MYRIP: variants seen among roughly 807,000 people sequenced by gnomAD.
The protein encoded by MYRIP is rab effector MyRIP.
MYRIP carries 49 observed loss-of-function variants against 98.0 expected under a neutral mutation model. That is an observed-to-expected ratio of 0.50 (90% CI 0.40 to 0.63). The LOEUF is 0.63. Among genes scored for constraint, MYRIP ranks in the 30% least tolerant of loss-of-function variants. MYRIP has a pLI of 0.00. For synonymous variants in MYRIP, 404 were observed against 409.5 expected (o/e 0.99, Z 0.16); for missense variants, 1,004 against 1,058.2 (o/e 0.95, Z 0.71).
At chr3:40,150,305 G>T (rs1310974040) in intron 3 of MYRIP, among the ~76,000 whole-genome samples, 1 of 152,034 alleles carries the variant, frequency 6.6e-6, no homozygotes, top group Non-Finnish European at 1.5e-5. Flanking sequence ...TGGCCAGGCT[G>T]GTCTCAAACT....
At position 39,946,872 on chromosome 3, in the gene MYRIP, G is replaced by C. The variant is rs146019112; in HGVS notation, c.110+45946G>C. Among the ~76,000 whole-genome samples, 29 of 152,154 alleles carry C rather than the reference G, an allele frequency of 1.9e-4. 1 individual carries two copies. The highest frequency in any genetic ancestry group is 6.6e-4 in the Admixed American group (10 of 15,266). On this transcript the variant is annotated intron_variant, in intron 2 of 16. Transcript: ENST00000302541. The stretch of plus-strand genomic sequence containing the variant: ...TTTGTGGTGATTTGTTACATCACAA[G>C]AGAAAACTAATACAAATATATCACC...
chr3:40,241,574 C>T (rs964099406), intron 12 of MYRIP, among the ~76,000 whole-genome samples: 1 of 152,138 alleles, frequency 6.6e-6, no homozygotes, highest in African/African-American at 2.4e-5. Flanking sequence ...TACATTAAAG[C>T]CTCTGTGAAG....
At chr3:40,195,447 C>T (rs1489821908) in intron 10 of MYRIP, among the ~76,000 whole-genome samples, 1 of 152,082 alleles carries the variant, frequency 6.6e-6, no homozygotes, top group Non-Finnish European at 1.5e-5. Flanking sequence ...AGTTCATCAC[C>T]ATGCCCAGCT....
chr3:39,900,962 A>T, intron 2 of MYRIP, 36 bp downstream of exon 2: 1 of 1,510,990 alleles, frequency 6.6e-7, no homozygotes, highest in Non-Finnish European at 9.1e-7. Context: ...CGTACAGCAA[A>T]CCACATGTGG....
At position 40,250,422 on chromosome 3, in the gene MYRIP, T is replaced by A. The variant is rs767921888; in HGVS notation, c.2368-17T>A. 1 of 1,614,012 alleles carries A rather than the reference T, an allele frequency of 6.2e-7. No homozygotes were observed. The highest frequency in any genetic ancestry group is 8.5e-7 in the Non-Finnish European group (1 of 1,180,008). On this transcript the variant is annotated splice_polypyrimidine_tract_variant and intron_variant, in intron 14 of 16. Transcript: ENST00000302541. Reference sequence around the variant, plus strand: ...TGGCTCTGCAAAGGTATATTGCTCATTGTGTTCTGTTTGTAGGTACAAACC... The same window carrying A: ...TGGCTCTGCAAAGGTATATTGCTCAATGTGTTCTGTTTGTAGGTACAAACC...
At chr3:40,077,183 C>T (rs906629376) in intron 3 of MYRIP, among the ~76,000 whole-genome samples, 1 of 152,120 alleles carries the variant, frequency 6.6e-6, no homozygotes, top group Non-Finnish European at 1.5e-5. Flanking sequence ...GTGAGTGTTA[C>T]AGCTCATAAA....
At chr3:39,991,254 T>C (rs1946168164) in intron 2 of MYRIP, among the ~76,000 whole-genome samples, 1 of 152,214 alleles carries the variant, frequency 6.6e-6, no homozygotes, top group Non-Finnish European at 1.5e-5. Flanking sequence ...CTGCAACCTG[T>C]TGTCATCAGA....
At chr3:40,109,131 A>G (rs144132150) in intron 3 of MYRIP, among the ~76,000 whole-genome samples, 78 of 151,764 alleles carry the variant, frequency 5.1e-4, no homozygotes, top group African/African-American at 1.9e-3. Context: ...TCTTTTTTTT[A>G]TTATTATACT....
At chr3:39,946,874 G>A (rs750000977) in intron 2 of MYRIP, among the ~76,000 whole-genome samples, 12 of 152,142 alleles carry the variant, frequency 7.9e-5, no homozygotes, top group Non-Finnish European at 1.5e-4. Flanking sequence ...CATCACAAGA[G>A]AAAACTAATA....
intron 1 of MYRIP, among the ~76,000 whole-genome samples, chr3:39,851,737 A>G (rs1942135278): frequency 6.6e-6 from 1 of 152,150 alleles, no homozygotes; most frequent in Non-Finnish European, 1.5e-5. Flanking sequence ...TCTGATGGGA[A>G]GAGGATGTTT....
chr3:39,954,178 G>T (rs1043832925), intron 2 of MYRIP, among the ~76,000 whole-genome samples: 2 of 152,132 alleles, frequency 1.3e-5, no homozygotes, highest in African/African-American at 2.4e-5. Flanking sequence ...TCCCAGCATG[G>T]AGTTTGAGAT....
At chr3:40,252,383 C>T in intron 16 of MYRIP, among the ~76,000 whole-genome samples, 1 of 152,160 alleles carries the variant, frequency 6.6e-6, no homozygotes, top group East Asian at 1.9e-4. Context: ...AAGATTTCAT[C>T]ATGACCTAAT....
rs370344925 is a variant in MYRIP at position 39,908,180 on chromosome 3, C to T, written c.110+7254C>T. Among the ~76,000 whole-genome samples, 61 of 152,228 alleles carry T rather than the reference C, an allele frequency of 4.0e-4. 3 individuals carry two copies. The highest frequency in any genetic ancestry group is 1.5e-3 in the African/African-American group (61 of 41,540). ...TTATTTTCTGTAACTGCGACTGGCG[C>T]CTAGGCTGGGCCAGGGGAAGGAAGG... On this transcript the variant is annotated intron_variant, in intron 2 of 16. Transcript: ENST00000302541.
intron 3 of MYRIP, among the ~76,000 whole-genome samples, chr3:40,083,612 C>T (rs965042244): frequency 6.6e-6 from 1 of 151,962 alleles, no homozygotes; most frequent in South Asian, 2.1e-4. Flanking sequence ...CAGATCTATG[C>T]CAAGACAAAT....
At chr3:40,073,943 G>C (rs1483427030) in intron 3 of MYRIP, among the ~76,000 whole-genome samples, 1 of 152,218 alleles carries the variant, frequency 6.6e-6, no homozygotes, top group Non-Finnish European at 1.5e-5. Flanking sequence ...AGAAGAGCAT[G>C]ACAATCACTG....
chr3:39,975,698 A>G (rs543584607), intron 2 of MYRIP, among the ~76,000 whole-genome samples: 128 of 152,084 alleles, frequency 8.4e-4, no homozygotes, highest in Non-Finnish European at 1.5e-3. Context: ...TACCAAAACA[A>G]AGATATAGAC....
chr3:39,995,927 A>C (rs1394310527), intron 2 of MYRIP, among the ~76,000 whole-genome samples: 1 of 152,204 alleles, frequency 6.6e-6, no homozygotes, highest in Non-Finnish European at 1.5e-5. Flanking sequence ...CTATCCAGCC[A>C]AACTAAGCTT....
chr3:39,849,165 A>C (rs1386715939), intron 1 of MYRIP, among the ~76,000 whole-genome samples: 2 of 152,204 alleles, frequency 1.3e-5, no homozygotes, highest in Non-Finnish European at 2.9e-5. Context: ...CAAAGGACCC[A>C]AAATGATGGG....
chr3:39,952,054 G>A (rs1034133157), intron 2 of MYRIP, among the ~76,000 whole-genome samples: 2 of 151,986 alleles, frequency 1.3e-5, no homozygotes, highest in African/African-American at 4.8e-5. Flanking sequence ...TTTGCATTCA[G>A]CCTCTTCCCA....
Sources: allele counts gnomAD v4.1 joint callset (sites outside exome capture counted in the v4.1 genomes callset), GRCh38; gene constraint gnomAD v4.1.1; transcripts MANE v1.5; gene names NCBI Gene and HGNC (gene_info 2026-07-23, HGNC 2026-07-21).